SOX5: variants seen among roughly 807,000 people sequenced by gnomAD.
SOX5 encodes transcription factor SOX-5.
Under a neutral mutation model 92.0 loss-of-function variants are expected in SOX5, and 9 were observed. That is an observed-to-expected ratio of 0.10 (90% CI 0.06 to 0.17). SOX5 has a LOEUF of 0.17. Among genes scored for constraint, SOX5 ranks in the 10% least tolerant of loss-of-function variants. The pLI is 1.00. For synonymous variants in SOX5, 344 were observed against 336.3 expected (o/e 1.02, Z -0.25); for missense variants, 642 against 944.5 (o/e 0.68, Z 4.20).
intron 3 of SOX5, among the ~76,000 whole-genome samples, chr12:24,229,743 A>C (rs967532450): frequency 6.6e-6 from 1 of 152,236 alleles, no homozygotes; most frequent in African/African-American, 2.4e-5. Context: ...GTGTGCCCTG[A>C]AAAAGTTGCT....
intron 4 of SOX5, among the ~76,000 whole-genome samples, chr12:23,983,850 C>T (rs775489980): frequency 6.6e-6 from 1 of 151,996 alleles, no homozygotes; most frequent in Non-Finnish European, 1.5e-5. Context: ...CAATATTATC[C>T]TCTAAATATA....
intron 1 of SOX5, among the ~76,000 whole-genome samples, chr12:23,932,576 G>T (rs1019966663): frequency 6.6e-6 from 1 of 151,524 alleles, no homozygotes; most frequent in East Asian, 1.9e-4. Flanking sequence ...AGAAAAGAAA[G>T]AAATAGAAAG....
chr12:23,568,891 C>CAAAAAA (rs11398102), intron 10 of SOX5, among the ~76,000 whole-genome samples: 1 of 145,424 alleles, frequency 6.9e-6, no homozygotes, highest in Non-Finnish European at 1.5e-5. Context: ...AAGAATATCT[C>CAAAAAA]AAAAAAAAAA....
intron 3 of SOX5, among the ~76,000 whole-genome samples, chr12:23,785,991 A>G (rs2095370336): frequency 6.6e-6 from 1 of 151,998 alleles, no homozygotes; most frequent in South Asian, 2.1e-4. Flanking sequence ...AACTGTGAAG[A>G]TTTTTTAAAT....
chr12:24,355,476 A>C (rs1954721933), intron 2 of SOX5, among the ~76,000 whole-genome samples: 1 of 151,754 alleles, frequency 6.6e-6, no homozygotes, highest in African/African-American at 2.4e-5. Flanking sequence ...CCCTCCCTGG[A>C]GATACACATC....
intron 1 of SOX5, among the ~76,000 whole-genome samples, chr12:23,914,941 A>G (rs535090300): frequency 6.6e-6 from 1 of 152,218 alleles, no homozygotes; most frequent in South Asian, 2.1e-4. Context: ...AACCAATATT[A>G]CTCATTTTTC....
chr12:23,728,222 A>G (rs2093241606), intron 6 of SOX5, among the ~76,000 whole-genome samples: 1 of 152,188 alleles, frequency 6.6e-6, no homozygotes, highest in Non-Finnish European at 1.5e-5. Flanking sequence ...CTAATAATCT[A>G]TCTGAATGCC....
At chr12:23,537,839 C>T (rs921347470) in intron 13 of SOX5, among the ~76,000 whole-genome samples, 2 of 152,078 alleles carry the variant, frequency 1.3e-5, no homozygotes, top group Non-Finnish European at 2.9e-5. Context: ...TGCGGACCCT[C>T]GCGGTGAGTG....
intron 1 of SOX5, among the ~76,000 whole-genome samples, chr12:24,441,693 A>G (rs759084263): frequency 6.6e-6 from 1 of 152,228 alleles, no homozygotes. Context: ...TGACAAAACA[A>G]TGATAAACAA....
intron 4 of SOX5, among the ~76,000 whole-genome samples, chr12:24,117,075 T>A (rs1948091413): frequency 6.6e-6 from 1 of 151,170 alleles, no homozygotes; most frequent in South Asian, 2.1e-4. Context: ...GATAAGAGAC[T>A]AATATCCAAA....
intron 9 of SOX5, among the ~76,000 whole-genome samples, chr12:23,596,417 AAGAG>A (rs1482807984): frequency 6.6e-6 from 1 of 152,190 alleles, no homozygotes; most frequent in East Asian, 1.9e-4. Flanking sequence ...GCATCTCTGT[AAGAG>A]AGACCGCTAA....
chr12:23,807,532 CTAT>C (rs1285743540), intron 3 of SOX5, among the ~76,000 whole-genome samples: 1 of 152,030 alleles, frequency 6.6e-6, no homozygotes, highest in Non-Finnish European at 1.5e-5. Flanking sequence ...TTACCAGAAG[CTAT>C]GAAGAGGTAG....
intron 6 of SOX5, among the ~76,000 whole-genome samples, chr12:23,701,132 A>C (rs1008971020): frequency 6.6e-6 from 1 of 152,126 alleles, no homozygotes; most frequent in East Asian, 1.9e-4. Context: ...GAGTTGGCTT[A>C]TTTCGACTTC....
chr12:23,827,341 G>T (rs981504227), intron 3 of SOX5, among the ~76,000 whole-genome samples: 1 of 152,076 alleles, frequency 6.6e-6, no homozygotes, highest in Non-Finnish European at 1.5e-5. Flanking sequence ...TTTACATAGA[G>T]AATTTACAAT....
chr12:24,284,014 T>G (rs1193193138), intron 2 of SOX5, among the ~76,000 whole-genome samples: 1 of 152,176 alleles, frequency 6.6e-6, no homozygotes, highest in Non-Finnish European at 1.5e-5. Flanking sequence ...AAAAGTGTGG[T>G]TGGGTTAAAT....
chr12:24,421,143 G>A (rs12318050), intron 1 of SOX5, among the ~76,000 whole-genome samples: 2 of 152,180 alleles, frequency 1.3e-5, no homozygotes, highest in African/African-American at 4.8e-5. Flanking sequence ...TGAAAGTTCA[G>A]ATATTATTTC....
At chr12:24,431,439 A>G (rs1938299380) in intron 1 of SOX5, among the ~76,000 whole-genome samples, 1 of 152,242 alleles carries the variant, frequency 6.6e-6, no homozygotes, top group Admixed American at 6.5e-5. Context: ...TGATAGACAC[A>G]TCACGATGAG....
intron 2 of SOX5, among the ~76,000 whole-genome samples, chr12:24,348,490 C>T (rs1457865576): frequency 6.6e-6 from 1 of 152,058 alleles, no homozygotes; most frequent in Non-Finnish European, 1.5e-5. Flanking sequence ...TCAAGTGATT[C>T]TCCTGCCTCA....
At chr12:24,002,714 C>G (rs1346301955) in intron 4 of SOX5, among the ~76,000 whole-genome samples, 2 of 152,092 alleles carry the variant, frequency 1.3e-5, no homozygotes, top group Non-Finnish European at 2.9e-5. Flanking sequence ...CAAAGCCCAG[C>G]ACCAGATAGC....
Sources: allele counts gnomAD v4.1 joint callset (sites outside exome capture counted in the v4.1 genomes callset), GRCh38; gene constraint gnomAD v4.1.1; transcripts MANE v1.5; gene names NCBI Gene and HGNC (gene_info 2026-07-23, HGNC 2026-07-21).